Variants in RNPEPL1 observed in about 807,000 individuals in gnomAD.
RNPEPL1 encodes arginyl aminopeptidase like 1.
Under a neutral mutation model 69.0 loss-of-function variants are expected in RNPEPL1, and 46 were observed. The observed-to-expected ratio is 0.67, with a 90% confidence interval of 0.53 to 0.85. The LOEUF (loss-of-function observed/expected upper bound fraction) is 0.85, where lower values mean the gene tolerates loss of function less well. Among genes scored for constraint, RNPEPL1 ranks in the 40% least tolerant of loss-of-function variants. The pLI, the probability that RNPEPL1 is intolerant of heterozygous loss-of-function variation, is 0.00. For missense variants in RNPEPL1, 869 were observed against 992.5 expected (o/e 0.88, Z 1.67); for synonymous variants, 525 against 454.1 (o/e 1.16, Z -1.98).
rs147113035 is a variant in RNPEPL1, at chr2:240,575,576, G to A, written c.1476G>A (p.Pro492=). ...TGGACTCCTTCCTGAGCTTCTTCCCGGAGCTGAAGGAGCAGAGCGTGGACT... is the reference window on the plus strand; with the variant it reads ...TGGACTCCTTCCTGAGCTTCTTCCCAGAGCTGAAGGAGCAGAGCGTGGACT... ...DLLDSFLSFF[P]ELKEQSVDCR... The change falls in exon 8 of 11, where the codon CCG becomes CCA. Residue 492 remains proline (P), a synonymous_variant. Transcript: ENST00000270357. The A allele has an allele frequency of 5.1e-5, 82 of 1,613,264 alleles. No individual in the cohort carries two copies. The highest frequency in any genetic ancestry group is 4.7e-4 in the African/African-American group (35 of 74,936).
Position 240,577,713 on chromosome 2 carries a change from A to G in RNPEPL1, c.1999A>G (p.Arg667Gly), listed in dbSNP as rs1575439585. The change falls in exon 11 of 11, where the codon AGA becomes GGA. Residue 667 changes from arginine (R) to glycine (G), a missense_variant. Around this residue, in one of 2 missense-constraint regions of RNPEPL1, gnomAD observed 610 missense variants for 790.9 expected, o/e 0.77. Transcript: ENST00000270357. The stretch of plus-strand genomic sequence containing the variant: ...GGGCCGGCTGCACCCCAACCTGCGC[A>G]GAGCCATCCAGCAGATCCTGTCCCA... ...TQGRLHPNLRRAIQQILSQGL... is the reference protein window; with the variant it reads ...TQGRLHPNLRGAIQQILSQGL... 1.9e-5 allele frequency: 30 copies of G among 1,612,684 alleles called. No homozygotes were observed. The highest frequency in any genetic ancestry group is 2.5e-5 in the Non-Finnish European group (29 of 1,179,746).
chr2:240,569,047 C>T lies in RNPEPL1; in HGVS notation c.461C>T (p.Pro154Leu). 4.0e-6 allele frequency: 6 copies of T among 1,511,660 alleles called. No individual in the cohort carries two copies. The highest frequency in any genetic ancestry group is 5.3e-6 in the Non-Finnish European group (6 of 1,137,430). 93.6% of individuals were successfully genotyped at this position (1,511,660 alleles called of 1,614,324 possible). A position where few individuals can be genotyped will look rare whatever the true frequency, so the allele number is the denominator to read the frequency against. ...DYGSSLTVTL[P>L]PELQAHQPFQ... is the part of the protein sequence containing the mutation. The stretch of plus-strand genomic sequence containing the variant: ...GGCTCCTCGCTCACCGTCACGCTGC[C>T]GCCCGAGCTGCAGGCGCACCAGCCC... The change falls in exon 1 of 11, where the codon CCG becomes CTG. Residue 154 changes from proline to leucine, a missense_variant. Physicochemically the swap from Pro to Leu is moderately conservative, Grantham distance 98. Coordinates refer to ENST00000270357, the MANE Select transcript of RNPEPL1 (RefSeq NM_018226.6).
intron 2 of RNPEPL1, among the ~76,000 whole-genome samples, chr2:240,572,881 C>T (rs1686275811): frequency 6.6e-6 from 1 of 152,220 alleles, no homozygotes; most frequent in African/African-American, 2.4e-5. Flanking sequence ...GTCACCGGGC[C>T]CGAACTTGGC....
Position 240,577,664 on chromosome 2 carries a change from G to A in RNPEPL1, c.1950G>A (p.Ala650=), listed in dbSNP as rs1345252971. 6.2e-6 allele frequency: 10 copies of A among 1,612,552 alleles called. No individual in the cohort carries two copies. The highest frequency in any genetic ancestry group is 8.5e-6 in the Non-Finnish European group (10 of 1,179,468). Residue 650 remains alanine (A), a synonymous_variant, in exon 11 of 11, where the codon GCG becomes GCA. Transcript: ENST00000270357. Reference sequence around the variant, plus strand: ...GCACCGGTGCCCTCAAGTCCTTCGCGCTGGAGGTCTTCTACCAGACGCAGG... The same window carrying A: ...GCACCGGTGCCCTCAAGTCCTTCGCACTGGAGGTCTTCTACCAGACGCAGG... ...DLCTGALKSF[A]LEVFYQTQGR...
At chr2:240,577,409 G>C (rs1029480760) in intron 10 of RNPEPL1, among the ~76,000 whole-genome samples, 190 bp from the exon 11 acceptor site, 2 of 152,246 alleles carry the variant, frequency 1.3e-5, no homozygotes, top group African/African-American at 4.8e-5. Flanking sequence ...GGCCTCCATG[G>C]TTGGCCTGGA....
chr2:240,575,476 G>A, intron 7 of RNPEPL1, 26 bp from the exon 8 acceptor site: 1 of 1,600,046 alleles, frequency 6.2e-7, no homozygotes, highest in South Asian at 1.1e-5. Flanking sequence ...TTCCAGGCCT[G>A]CTGAGGCCCC....
At chr2:240,577,452 G>T in intron 10 of RNPEPL1, 147 bp from the exon 11 acceptor site, 6 of 859,962 alleles carry the variant, frequency 7.0e-6, no homozygotes, top group Non-Finnish European at 1.1e-5. Flanking sequence ...CTAATGGTAG[G>T]CCTCCTGGCC....
intron 10 of RNPEPL1, 75 bp downstream of exon 10, chr2:240,577,065 G>T: frequency 1.3e-6 from 2 of 1,577,108 alleles, no homozygotes; most frequent in Non-Finnish European, 1.7e-6. Context: ...CGACTCCCTA[G>T]TCTGAGCCCT....
Position 240,568,741 on chromosome 2 carries a change from C to G in RNPEPL1, c.155C>G (p.Pro52Arg). The G allele has an allele frequency of 9.4e-7, 1 of 1,062,506 alleles. No individual in the cohort carries two copies. The highest frequency in any genetic ancestry group is 1.1e-6 in the Non-Finnish European group (1 of 878,186). The allele number at this position is 1,062,506 out of a possible 1,614,324, so 65.8% of individuals were successfully genotyped here. The change falls in exon 1 of 11, where the codon CCC becomes CGC. Residue 52 changes from proline (P) to arginine (R), a missense_variant. By Grantham distance (103) the Pro-to-Arg change is moderately radical. Coordinates refer to ENST00000270357, the MANE Select transcript of RNPEPL1 (RefSeq NM_018226.6). The surrounding 1 kb of genome is among the most constrained non-coding windows in gnomAD (Gnocchi z 6.2). ...RHLQLGLELRPEARELAGCLV... is the reference protein window; with the variant it reads ...RHLQLGLELRREARELAGCLV... Reference sequence around the variant, plus strand: ...CTGCAGCTGGGCCTGGAGCTGCGGCCCGAGGCGCGCGAGTTGGCCGGCTGC... The same window carrying G: ...CTGCAGCTGGGCCTGGAGCTGCGGCGCGAGGCGCGCGAGTTGGCCGGCTGC...
intron 6 of RNPEPL1, 78 bp downstream of exon 6, chr2:240,574,706 C>G (rs893176728): frequency 1.6e-6 from 2 of 1,218,640 alleles, no homozygotes; most frequent in East Asian, 2.5e-5. Flanking sequence ...TTCGTGTGTT[C>G]TGGCTGTGGC....
At chr2:240,569,264 A>G in intron 1 of RNPEPL1, 150 bp downstream of exon 1, 1 of 858,268 alleles carries the variant, frequency 1.2e-6, no homozygotes. Context: ...GTTGCCTGTG[A>G]GCCCTTAGGA....
At chr2:240,569,324 T>G in intron 1 of RNPEPL1, 2 of 512,868 alleles carry the variant, frequency 3.9e-6, no homozygotes, top group South Asian at 3.0e-5. Context: ...AGCATGTCAC[T>G]CCGGGAAGCC....
In RNPEPL1 at chr2:240,581,185, G is replaced by C. The variant is rs2093051182; in HGVS notation, c.*3293G>C. The C allele has an allele frequency of 6.6e-6, 1 of 152,156 alleles. No individual in the cohort carries two copies. Among genetic ancestry groups the C allele is most frequent in the Non-Finnish European group, 1.5e-5 (1 of 68,036 alleles). The allele number at this position is 152,156 out of a possible 1,614,324, so 9.4% of individuals were successfully genotyped here. On this transcript the variant is annotated 3_prime_UTR_variant, in exon 11 of 11. Coordinates refer to ENST00000270357, the MANE Select transcript of RNPEPL1 (RefSeq NM_018226.6). ...ACTTACACCTGAGACAGAGGCAACA[G>C]AAAAATCAGAAAAGGACTTTAGAAC...
chr2:240,579,963 C>A lies in RNPEPL1; in HGVS notation c.*2071C>A, dbSNP rs1016276643. ...CCTCCGGACGCTGCTGAGCTGCGCA[C>A]CTGTGCCTGACACCTGGCTTTGGGA... On this transcript the variant is annotated 3_prime_UTR_variant, in exon 11 of 11. Coordinates refer to ENST00000270357, the MANE Select transcript of RNPEPL1 (RefSeq NM_018226.6). 6.6e-6 allele frequency: 1 copy of A among 152,310 alleles called. No individual in the cohort carries two copies. Among genetic ancestry groups the A allele is most frequent in the Admixed American group, 6.5e-5 (1 of 15,290 alleles). The allele number at this position is 152,310 out of a possible 1,614,324, so 9.4% of individuals were successfully genotyped here. A position where few individuals can be genotyped will look rare whatever the true frequency, so the allele number is the denominator to read the frequency against.
chr2:240,577,072 C>A (rs2093040033), intron 10 of RNPEPL1, 82 bp downstream of exon 10: 3 of 1,556,884 alleles, frequency 1.9e-6, no homozygotes, highest in African/African-American at 1.4e-5. Context: ...CTAGTCTGAG[C>A]CCTTGGGGCA....
rs1482998334 is a variant in RNPEPL1 at position 240,579,223 on chromosome 2, A to C, written c.*1331A>C. The stretch of plus-strand genomic sequence containing the variant: ...GCTGGCCAGGCCCAGTCACAGCCCC[A>C]CTCCACACATGGCAGCCAGGAAGTG... On this transcript the variant is annotated 3_prime_UTR_variant, in exon 11 of 11. Transcript: ENST00000270357. The C allele has an allele frequency of 6.6e-6, 1 of 152,038 alleles. No individual in the cohort carries two copies. The highest frequency in any genetic ancestry group is 1.9e-4 in the East Asian group (1 of 5,148). 9.4% of individuals were successfully genotyped at this position (152,038 alleles called of 1,614,324 possible).
Position 240,573,900 on chromosome 2 carries a change from C to T in RNPEPL1, c.938+9C>T, listed in dbSNP as rs377340750. On this transcript the variant is annotated intron_variant, in intron 4 of 10. Transcript: ENST00000270357. ...CCCTACATGTGGGGCAGGTAGGCCC[C>T]GGGGACCTGTGGACCTGGCTGGCTG... The T allele has an allele frequency of 3.4e-5, 53 of 1,576,896 alleles. No homozygotes were observed. The highest frequency in any genetic ancestry group is 4.3e-5 in the Non-Finnish European group (50 of 1,160,862).
chr2:240,573,126 A>G lies in RNPEPL1; in HGVS notation c.686A>G (p.Gln229Arg). The change falls in exon 3 of 11, where the codon CAG becomes CGG. Residue 229 changes from glutamine (Q) to arginine (R), a missense_variant. Coordinates refer to ENST00000270357, the MANE Select transcript of RNPEPL1 (RefSeq NM_018226.6). ...TCCTTACAGGCGCCATCGGGGGTGC[A>G]GGTGCTGATGAGTGCCACCCGGAGT... The part of the protein sequence containing the change: ...SAVVKAPSGV[Q>R]VLMSATRSAY... 1.2e-6 allele frequency: 2 copies of G among 1,608,430 alleles called. No homozygotes were observed. The highest frequency in any genetic ancestry group is 2.2e-5 in the East Asian group (1 of 44,738).
intron 1 of RNPEPL1, among the ~76,000 whole-genome samples, chr2:240,571,100 C>CG (rs1338182863): frequency 2.0e-5 from 3 of 152,102 alleles, no homozygotes; most frequent in East Asian, 1.9e-4. Flanking sequence ...CCAGCCCCCC[C>CG]CAAGGGGGAG....
Sources: gnomAD v4.1 joint callset for allele counts (sites outside exome capture counted in the v4.1 genomes callset) on GRCh38, gnomAD v4.1.1 for gene constraint, gnomAD v4.1.1 regional missense constraint, Gnocchi (gnomAD v3.1) non-coding constraint, MANE v1.5 for transcripts, NCBI Gene and HGNC (gene_info 2026-07-23, HGNC 2026-07-21) for gene names.